Variants in RETREG1 observed in about 807,000 individuals in gnomAD.
The protein encoded by RETREG1 is family with sequence similarity 134 member B.
Under a neutral mutation model 54.8 loss-of-function variants are expected in RETREG1, and 44 were observed. The ratio of observed to expected loss-of-function variants is 0.80; its 90% confidence interval spans 0.63 to 1.03. The LOEUF (loss-of-function observed/expected upper bound fraction) is 1.03, where lower values mean the gene tolerates loss of function less well. Among genes scored for constraint, RETREG1 ranks in the 50% least tolerant of loss-of-function variants. The pLI, the probability that RETREG1 is intolerant of heterozygous loss-of-function variation, is 0.00. For missense variants in RETREG1, 554 were observed against 605.1 expected, an observed-to-expected ratio of 0.92 and a Z score of 0.89; for synonymous variants, 217 against 238.5, an observed-to-expected ratio of 0.91 and a Z score of 0.83.
At chr5:16,583,256 G>A (rs184095637) in intron 1 of RETREG1, among the ~76,000 whole-genome samples, 13 of 152,044 alleles carry the variant, frequency 8.6e-5, no homozygotes, top group East Asian at 5.8e-4. Flanking sequence ...TGAGGCAGGC[G>A]GATCACTTGA....
At chr5:16,502,572 A>G (rs1197113014) in intron 3 of RETREG1, among the ~76,000 whole-genome samples, 1 of 152,262 alleles carries the variant, frequency 6.6e-6, no homozygotes, top group South Asian at 2.1e-4. Flanking sequence ...AATTGTACAT[A>G]TGAGATACTT....
At chr5:16,526,606 A>G (rs1028073671) in intron 3 of RETREG1, among the ~76,000 whole-genome samples, 1 of 152,222 alleles carries the variant, frequency 6.6e-6, no homozygotes, top group Non-Finnish European at 1.5e-5. Context: ...GAAGGAGATG[A>G]GTCAGGCCCA....
At chr5:16,609,029 A>G (rs1357213060) in intron 1 of RETREG1, among the ~76,000 whole-genome samples, 2 of 152,204 alleles carry the variant, frequency 1.3e-5, no homozygotes, top group Admixed American at 6.5e-5. Flanking sequence ...AGCAGCTACT[A>G]GCCTTGTGTG....
chr5:16,516,652 C>G (rs1740365356), intron 3 of RETREG1, among the ~76,000 whole-genome samples: 6 of 152,216 alleles, frequency 3.9e-5, no homozygotes, highest in Admixed American at 3.9e-4. Flanking sequence ...CCCTCTCCCA[C>G]TCTTGCCTCT....
At chr5:16,579,780 C>T (rs534845446) in intron 1 of RETREG1, among the ~76,000 whole-genome samples, 3 of 152,200 alleles carry the variant, frequency 2.0e-5, no homozygotes, top group Non-Finnish European at 4.4e-5. Flanking sequence ...GTTTTTGTGG[C>T]GTGATAGTAC....
intron 1 of RETREG1, among the ~76,000 whole-genome samples, chr5:16,604,228 C>G (rs191170458): frequency 3.9e-5 from 6 of 152,004 alleles, no homozygotes; most frequent in Non-Finnish European, 1.5e-5. Flanking sequence ...CTTATTGGGG[C>G]GGGGTGGGGA....
chr5:16,516,735 T>C (rs1304108413), intron 3 of RETREG1, among the ~76,000 whole-genome samples: 1 of 152,038 alleles, frequency 6.6e-6, no homozygotes, highest in Non-Finnish European at 1.5e-5. Context: ...AAGTTAAACA[T>C]GTACCTCTAA....
intron 1 of RETREG1, among the ~76,000 whole-genome samples, chr5:16,601,912 C>T (rs1024185316): frequency 6.6e-6 from 1 of 152,154 alleles, no homozygotes; most frequent in Non-Finnish European, 1.5e-5. Context: ...AGGCCTTTCG[C>T]CAGCTCAAGT....
chr5:16,559,329 T>C (rs1177527242), intron 3 of RETREG1, among the ~76,000 whole-genome samples: 1 of 152,170 alleles, frequency 6.6e-6, no homozygotes, highest in East Asian at 1.9e-4. Flanking sequence ...CCTTTGCTAA[T>C]CCCTGCTGGC....
chr5:16,583,021 T>A (rs1402901494), intron 1 of RETREG1, among the ~76,000 whole-genome samples: 1 of 152,132 alleles, frequency 6.6e-6, no homozygotes, highest in African/African-American at 2.4e-5. Flanking sequence ...TGGGCAGACA[T>A]CTGTGCCTGC....
intron 1 of RETREG1, among the ~76,000 whole-genome samples, chr5:16,589,152 G>A (rs1742692474): frequency 6.6e-6 from 1 of 152,110 alleles, no homozygotes; most frequent in South Asian, 2.1e-4. Context: ...ACAACAAAAT[G>A]TTCAAGAAAC....
At chr5:16,530,147 A>G (rs974700694) in intron 3 of RETREG1, among the ~76,000 whole-genome samples, 7 of 152,196 alleles carry the variant, frequency 4.6e-5, no homozygotes, top group Non-Finnish European at 7.4e-5. Flanking sequence ...TAACCTGGCT[A>G]TAGGCCTCTT....
chr5:16,519,237 G>A (rs532471781), intron 3 of RETREG1, among the ~76,000 whole-genome samples: 29 of 152,210 alleles, frequency 1.9e-4, no homozygotes, highest in African/African-American at 6.0e-4. Flanking sequence ...CTAGATCAGC[G>A]GCTTTCAAAG....
chr5:16,489,463 T>TA, intron 3 of RETREG1, among the ~76,000 whole-genome samples: 1 of 152,304 alleles, frequency 6.6e-6, no homozygotes, highest in South Asian at 2.1e-4. Flanking sequence ...TTGTGCTCTT[T>TA]AAAAATAGAT....
At chr5:16,502,807 A>G (rs985837170) in intron 3 of RETREG1, among the ~76,000 whole-genome samples, 1 of 150,790 alleles carries the variant, frequency 6.6e-6, no homozygotes, top group African/African-American at 2.5e-5. Context: ...ACTTGCCCTC[A>G]GGCAAGACTT....
intron 2 of RETREG1, among the ~76,000 whole-genome samples, chr5:16,570,827 C>T (rs1742153960): frequency 6.6e-6 from 1 of 151,994 alleles, no homozygotes; most frequent in African/African-American, 2.4e-5. Context: ...AGTTAGGTGT[C>T]TGTTCCCTGA....
chr5:16,578,292 ACAGT>A (rs138744038), intron 1 of RETREG1, among the ~76,000 whole-genome samples: 5,217 of 152,352 alleles, frequency 0.034, 297 homozygotes, highest in African/African-American at 0.12. Context: ...ATTTAATGAA[ACAGT>A]CAGACTCTCT....
In RETREG1 at chr5:16,606,800, C is replaced by T. The variant is rs576308408; in HGVS notation, c.320+9852G>A. 3.9e-5 allele frequency among the ~76,000 whole-genome samples: 6 copies of T among 152,282 alleles called. No individual in the cohort carries two copies. In the South Asian group the frequency reaches 6.2e-4, roughly 16 times the overall value. The stretch of plus-strand genomic sequence containing the variant: ...TGCAATGGTGTCCCAGCTGGTGCCT[C>T]GCCCCAGGCTCTTGCTCCCCTAATT... On this transcript the variant is annotated intron_variant, in intron 1 of 8. Transcript: ENST00000306320.
chr5:16,480,942 G>C (rs952239908), intron 5 of RETREG1, 67 bp downstream of exon 5: 4 of 1,045,740 alleles, frequency 3.8e-6, no homozygotes, highest in Non-Finnish European at 4.5e-6. Context: ...TCAAACTACA[G>C]GTCTGTTGAC....
Sources: allele counts gnomAD v4.1 joint callset (sites outside exome capture counted in the v4.1 genomes callset), GRCh38; gene constraint gnomAD v4.1.1; transcripts MANE v1.5; gene names NCBI Gene and HGNC (gene_info 2026-07-23, HGNC 2026-07-21).